The following ARAP2 variants were observed in gnomAD, a reference collection of about 807,000 sequenced individuals.
ARAP2 encodes arf-GAP with Rho-GAP domain, ANK repeat and PH domain-containing protein 2.
Under a neutral mutation model 194.5 loss-of-function variants are expected in ARAP2, and 148 were observed. The observed-to-expected ratio is 0.76, with a 90% CI of 0.67 to 0.87. The LOEUF (loss-of-function observed/expected upper bound fraction) is 0.87, where lower values mean the gene tolerates loss of function less well. Among genes scored for constraint, ARAP2 ranks in the 40% least tolerant of loss-of-function variants. ARAP2 has a pLI of 0.00. For synonymous variants in ARAP2, 695 were observed against 683.5 expected (o/e 1.02, Z -0.26); for missense variants, 2,128 against 1,989.7 (o/e 1.07, Z -1.32).
chr4:36,204,987 C>CAAAAAAAAAAA (rs754960122), intron 6 of ARAP2, among the ~76,000 whole-genome samples: 1 of 35,072 alleles, frequency 2.9e-5, no homozygotes, highest in Non-Finnish European at 4.5e-5. Flanking sequence ...GACTCCATCT[C>CAAAAAAAAAAA]AAAAAAAAAA....
chr4:36,233,503 A>G (rs1751904179), intron 1 of ARAP2, among the ~76,000 whole-genome samples: 2 of 152,214 alleles, frequency 1.3e-5, no homozygotes, highest in African/African-American at 4.8e-5. Context: ...AGCCCACCTG[A>G]GCCTAAGCTC....
intron 7 of ARAP2, among the ~76,000 whole-genome samples, chr4:36,190,567 T>A (rs1025727246): frequency 1.3e-5 from 2 of 152,198 alleles, no homozygotes; most frequent in Non-Finnish European, 2.9e-5. Context: ...TTAGTCTACA[T>A]GATAATAACG....
rs1332033505 is a variant in ARAP2 at position 36,213,253 on chromosome 4, T to G, written c.1031A>C (p.Glu344Ala). 2 of 1,602,400 alleles carry G rather than the reference T, an allele frequency of 1.2e-6. No individual in the cohort carries two copies. Among genetic ancestry groups the G allele is most frequent in the African/African-American group, 2.7e-5 (2 of 74,600 alleles). The change falls in exon 4 of 33, where the codon GAA becomes GCA. Residue 344 changes from glutamate to alanine, a missense_variant. Physicochemically the swap from Glu to Ala is moderately radical, Grantham distance 107 (BLOSUM62 -1). Transcript: ENST00000303965. ...ATGTATGGGACTAACCTTGGAATTT[T>G]CTAGTCTCTGGAAGAGAAAGGTCTC... is the stretch of plus-strand genomic sequence containing the variant. ...YGETFLFQRLENSKKRSIKNE... is the reference protein window; with the variant it reads ...YGETFLFQRLANSKKRSIKNE...
intron 13 of ARAP2, 104 bp downstream of exon 13, chr4:36,160,355 A>G: frequency 7.8e-7 from 1 of 1,274,446 alleles, no homozygotes; most frequent in Non-Finnish European, 1.0e-6. Flanking sequence ...TAAAATTAAT[A>G]ATTTTGTCAG....
intron 10 of ARAP2, chr4:36,006,638 C>T (rs1215769166): frequency 6.6e-6 from 1 of 151,734 alleles, no homozygotes; most frequent in Non-Finnish European, 1.5e-5. Context: ...TTTGCCTTTG[C>T]AACAGAAAAT....
chr4:36,154,064 G>T (rs753481182), intron 15 of ARAP2, among the ~76,000 whole-genome samples: 2 of 152,064 alleles, frequency 1.3e-5, no homozygotes, highest in Non-Finnish European at 2.9e-5. Flanking sequence ...TCTGGAAGCT[G>T]CCCTCTTTAT....
At chr4:36,056,979 G>T in intron 2 of ARAP2, among the ~76,000 whole-genome samples, 2 of 148,632 alleles carry the variant, frequency 1.3e-5, no homozygotes, top group South Asian at 2.1e-4. Context: ...TTGCTCTTTA[G>T]TTTTACTGCA....
chr4:36,046,564 A>G (rs1042330235), intron 4 of ARAP2: 2 of 152,106 alleles, frequency 1.3e-5, no homozygotes, highest in Admixed American at 6.5e-5. Flanking sequence ...GATGTTAAAA[A>G]AAGTTCTAAT....
At chr4:36,117,900 C>A (rs1420389108) in intron 24 of ARAP2, among the ~76,000 whole-genome samples, 2 of 151,304 alleles carry the variant, frequency 1.3e-5, no homozygotes, top group Non-Finnish European at 3.0e-5. Context: ...AACAAAGAAC[C>A]AAATGAATCT....
rs1262984283 is a variant in ARAP2 at position 36,244,460 on chromosome 4, G to GGCGCCCGCGCCTTGCTCAGGT, written c.-462_-442dup. The GGCGCCCGCGCCTTGCTCAGGT allele has an allele frequency of 1.3e-5, 2 of 150,420 alleles. No homozygotes were observed. Among genetic ancestry groups the GGCGCCCGCGCCTTGCTCAGGT allele is most frequent in the African/African-American group, 4.9e-5 (2 of 41,182 alleles). 9.3% of individuals were successfully genotyped at this position (150,420 alleles called of 1,614,324 possible). A position where few individuals can be genotyped will look rare whatever the true frequency, so the allele number is the denominator to read the frequency against. On this transcript the variant is annotated 5_prime_UTR_variant, in exon 1 of 33. Transcript: ENST00000303965. ...GCTCAGCTCCGGAAACGCCGAGCCC[G>GGCGCCCGCGCCTTGCTCAGGT]GCGCCCGCGCCTTGCTCAGGTGCTC...
chr4:36,030,925 A>G (rs550009390), intron 5 of ARAP2, among the ~76,000 whole-genome samples: 2 of 151,740 alleles, frequency 1.3e-5, no homozygotes, highest in South Asian at 4.2e-4. Flanking sequence ...AGGTCAAAAG[A>G]TCAAGACCAT....
intron 8 of ARAP2, among the ~76,000 whole-genome samples, chr4:36,014,257 GAA>G (rs1459614030): frequency 1.6e-4 from 22 of 134,628 alleles, no homozygotes. Flanking sequence ...AAGAAAGAAA[GAA>G]AGAAAGAAAG....
At chr4:36,013,617 AG>A (rs1441934372) in intron 8 of ARAP2, among the ~76,000 whole-genome samples, 2 of 152,210 alleles carry the variant, frequency 1.3e-5, no homozygotes, top group Non-Finnish European at 2.9e-5. Context: ...GATGGGAGCA[AG>A]TGGAATTTAA....
At chr4:36,068,448 T>C (rs761574094) in intron 32 of ARAP2, among the ~76,000 whole-genome samples, 170 bp from the exon 33 acceptor site, 5 of 152,238 alleles carry the variant, frequency 3.3e-5, no homozygotes, top group Non-Finnish European at 5.9e-5. Flanking sequence ...TATACTAATC[T>C]TAGAGCTACA....
In ARAP2 at chr4:36,186,350, C is replaced by T. The variant is rs186310872; in HGVS notation, c.1678+1101G>A. Among the ~76,000 whole-genome samples, 533 of 152,290 alleles carry T rather than the reference C, an allele frequency of 3.5e-3. 2 individuals carry two copies. Among genetic ancestry groups the T allele is most frequent in the Middle Eastern group, 0.014 (4 of 294 alleles). On this transcript the variant is annotated intron_variant, in intron 8 of 32. Transcript: ENST00000303965. ...TTCAAACAAAATTCAGAAAATATTT[C>T]TCTGTACACATTTAAACTCAATCCA... is the stretch of plus-strand genomic sequence containing the variant.
At chr4:36,050,249 C>A (rs1722448051) in intron 3 of ARAP2, among the ~76,000 whole-genome samples, 1 of 152,182 alleles carries the variant, frequency 6.6e-6, no homozygotes, top group Non-Finnish European at 1.5e-5. Context: ...AGAGCATCTG[C>A]AGCCAATGTC....
chr4:36,144,638 G>A (rs954471861), intron 19 of ARAP2, among the ~76,000 whole-genome samples: 2 of 151,668 alleles, frequency 1.3e-5, no homozygotes, highest in Non-Finnish European at 2.9e-5. Flanking sequence ...TCTTGATGTC[G>A]TCCCATGAAG....
At chr4:36,060,097 C>A (rs780816421) in intron 1 of ARAP2, among the ~76,000 whole-genome samples, 1 of 152,062 alleles carries the variant, frequency 6.6e-6, no homozygotes, top group Non-Finnish European at 1.5e-5. Flanking sequence ...GTTGTTAAGC[C>A]AGTCAACAGG....
intron 19 of ARAP2, among the ~76,000 whole-genome samples, chr4:36,144,412 T>G (rs972016057): frequency 6.6e-6 from 1 of 151,912 alleles, no homozygotes; most frequent in African/African-American, 2.4e-5. Context: ...ATCCTATCTA[T>G]ACCTAATAAT....
Sources: allele counts gnomAD v4.1 joint callset (sites outside exome capture counted in the v4.1 genomes callset), GRCh38; gene constraint gnomAD v4.1.1; transcripts MANE v1.5; gene names NCBI Gene and HGNC (gene_info 2026-07-23, HGNC 2026-07-21).